TENM4: variants seen among roughly 807,000 people sequenced by gnomAD.
The protein encoded by TENM4 is teneurin-4.
TENM4 carries 82 observed loss-of-function variants against 243.3 expected under a neutral mutation model. The observed-to-expected ratio is 0.34, with a 90% CI of 0.28 to 0.40. TENM4 has a LOEUF of 0.40. TENM4 is among the 10% of genes least tolerant of loss of function. The pLI is 1.00. For synonymous variants in TENM4, 1,412 were observed against 1,456.3 expected (o/e 0.97, Z 0.69); for missense variants, 3,138 against 3,673.3 (o/e 0.85, Z 3.77).
intron 3 of TENM4, among the ~76,000 whole-genome samples, chr11:79,166,445 C>T (rs1336429175): frequency 2.0e-5 from 3 of 152,162 alleles, no homozygotes; most frequent in African/African-American, 7.2e-5. Context: ...CATACAATCC[C>T]TGCCCCTGAA....
At chr11:79,054,085 G>T (rs1859875269) in intron 6 of TENM4, among the ~76,000 whole-genome samples, 1 of 152,148 alleles carries the variant, frequency 6.6e-6, no homozygotes, top group African/African-American at 2.4e-5. Flanking sequence ...GCCTCATCTA[G>T]CCCCTGTATC....
chr11:78,690,829 T>C (rs1858800605), intron 28 of TENM4, among the ~76,000 whole-genome samples: 1 of 152,346 alleles, frequency 6.6e-6, no homozygotes, highest in East Asian at 1.9e-4. Context: ...GGGATGGGGA[T>C]GCTGTTCTAG....
chr11:79,199,582 C>T (rs551619750), intron 3 of TENM4, among the ~76,000 whole-genome samples: 1 of 152,236 alleles, frequency 6.6e-6, no homozygotes, highest in South Asian at 2.1e-4. Flanking sequence ...CAATCAAATA[C>T]CCAGAAATGG....
chr11:78,889,978 G>A lies in TENM4; in HGVS notation c.891C>T (p.Cys297=). The A allele has an allele frequency of 1.3e-6, 2 of 1,549,936 alleles. No individual in the cohort carries two copies. The highest frequency in any genetic ancestry group is 1.7e-6 in the Non-Finnish European group (2 of 1,145,776). The change falls in exon 9 of 34, where the codon TGC becomes TGT. Residue 297 remains cysteine (C), a synonymous_variant. Transcript: ENST00000278550. ...TCAGTGGGTACCCTGGTGATGTGGT[G>A]CAGAAGAGCGGGGAGGTGCCTCCAG... The part of the protein sequence containing the change: ...FKPGGTSPLF[C]TTSPGYPLTS...
At chr11:78,774,445 G>A (rs1041755117) in intron 17 of TENM4, among the ~76,000 whole-genome samples, 6 of 152,170 alleles carry the variant, frequency 3.9e-5, no homozygotes, top group Admixed American at 6.5e-5. Flanking sequence ...TCAGGGCTGC[G>A]AGTCCCAGTG....
At chr11:79,011,042 T>C (rs1858628537) in intron 6 of TENM4, among the ~76,000 whole-genome samples, 1 of 152,222 alleles carries the variant, frequency 6.6e-6, no homozygotes, top group Non-Finnish European at 1.5e-5. Context: ...GTAGAATGTT[T>C]GATGTGTAGT....
intron 4 of TENM4, among the ~76,000 whole-genome samples, chr11:79,110,429 G>A (rs1861478526): frequency 6.6e-6 from 1 of 152,200 alleles, no homozygotes; most frequent in Non-Finnish European, 1.5e-5. Context: ...CCTGGGCACT[G>A]CAGGTGGACA....
intron 18 of TENM4, among the ~76,000 whole-genome samples, chr11:78,759,899 T>C (rs1856393410): frequency 1.3e-5 from 2 of 152,232 alleles, no homozygotes; most frequent in Admixed American, 6.5e-5. Context: ...CTGAGGCATA[T>C]AATGTTCTTT....
chr11:78,666,957 A>G (rs1188920243), intron 32 of TENM4, among the ~76,000 whole-genome samples: 1 of 152,098 alleles, frequency 6.6e-6, no homozygotes, highest in African/African-American at 2.4e-5. Flanking sequence ...GTTTTTTTTG[A>G]TAGAAAAGTA....
At chr11:78,975,363 G>A (rs1389350041) in intron 6 of TENM4, among the ~76,000 whole-genome samples, 1 of 152,020 alleles carries the variant, frequency 6.6e-6, no homozygotes, top group Non-Finnish European at 1.5e-5. Context: ...CATGGGATGT[G>A]GGAGAGAGGA....
At chr11:79,363,111 C>T (rs1014311649) in intron 1 of TENM4, among the ~76,000 whole-genome samples, 9 of 151,682 alleles carry the variant, frequency 5.9e-5, no homozygotes, top group African/African-American at 2.2e-4. Context: ...ATTAAATTAA[C>T]TGAAAATATA....
intron 1 of TENM4, among the ~76,000 whole-genome samples, chr11:79,354,284 G>C (rs1336645903): frequency 6.6e-6 from 1 of 152,208 alleles, no homozygotes; most frequent in Non-Finnish European, 1.5e-5. Flanking sequence ...GGCAGAGCTG[G>C]CTGATGAACC....
chr11:79,199,170 C>A (rs1863692671), intron 3 of TENM4, among the ~76,000 whole-genome samples: 1 of 152,160 alleles, frequency 6.6e-6, no homozygotes, highest in Non-Finnish European at 1.5e-5. Context: ...AGCAAGCCCA[C>A]TGTACCCGGT....
intron 6 of TENM4, among the ~76,000 whole-genome samples, chr11:78,942,437 C>A (rs1177664828): frequency 1.4e-5 from 2 of 141,584 alleles, no homozygotes; most frequent in South Asian, 2.4e-4. Context: ...AGCACAAGAC[C>A]CTGTCTCAAA....
At chr11:79,172,621 T>C (rs902607702) in intron 3 of TENM4, among the ~76,000 whole-genome samples, 24 of 152,162 alleles carry the variant, frequency 1.6e-4, no homozygotes, top group South Asian at 6.3e-4. Flanking sequence ...TCATCAATTC[T>C]TGCTTAGACA....
chr11:79,401,098 T>C (rs907006114), intron 1 of TENM4, among the ~76,000 whole-genome samples: 5 of 152,178 alleles, frequency 3.3e-5, no homozygotes, highest in Non-Finnish European at 7.3e-5. Context: ...AAACAAAGGA[T>C]CTTGGGGACA....
intron 6 of TENM4, among the ~76,000 whole-genome samples, chr11:78,977,067 T>C (rs1300480234): frequency 6.6e-6 from 1 of 152,234 alleles, no homozygotes; most frequent in Non-Finnish European, 1.5e-5. Context: ...ATGCTCTCTC[T>C]GAACCCTGTA....
At chr11:79,263,750 C>T (rs1409999844) in intron 2 of TENM4, among the ~76,000 whole-genome samples, 1 of 152,056 alleles carries the variant, frequency 6.6e-6, no homozygotes, top group African/African-American at 2.4e-5. Context: ...CCCTAGTAAC[C>T]CAGGACCAGC....
chr11:78,966,961 C>T (rs188593703), intron 6 of TENM4, among the ~76,000 whole-genome samples: 2 of 152,180 alleles, frequency 1.3e-5, no homozygotes, highest in Non-Finnish European at 2.9e-5. Flanking sequence ...TGGAGCACAA[C>T]CACAAAAGTT....
Sources: allele counts gnomAD v4.1 joint callset (sites outside exome capture counted in the v4.1 genomes callset), GRCh38; gene constraint gnomAD v4.1.1; transcripts MANE v1.5; gene names NCBI Gene and HGNC (gene_info 2026-07-23, HGNC 2026-07-21).